The following ELMO1 variants were observed in gnomAD, a reference collection of about 807,000 sequenced individuals.
The protein encoded by ELMO1 is engulfment and cell motility 1.
In ELMO1, 26 loss-of-function variants were observed where a neutral mutation model predicts 98.9. The observed-to-expected ratio is 0.26, with a 90% CI of 0.19 to 0.36. The LOEUF (loss-of-function observed/expected upper bound fraction) is 0.36. Ranked by LOEUF, ELMO1 falls within the 10% of genes least tolerant of loss-of-function variation. ELMO1 has a pLI of 1.00. For missense variants in ELMO1, 627 were observed against 935.2 expected (o/e 0.67, Z 4.30); for synonymous variants, 346 against 346.0 (o/e 1.00, Z 0.00).
At chr7:36,965,827 C>A (rs1196732330) in intron 16 of ELMO1, among the ~76,000 whole-genome samples, 1 of 152,160 alleles carries the variant, frequency 6.6e-6, no homozygotes, top group African/African-American at 2.4e-5. Flanking sequence ...AGCATCACAT[C>A]CGCCTGTATG....
At chr7:36,967,022 C>T (rs1789495153) in intron 16 of ELMO1, among the ~76,000 whole-genome samples, 1 of 152,244 alleles carries the variant, frequency 6.6e-6, no homozygotes, top group African/African-American at 2.4e-5. Context: ...AATTTATACA[C>T]TGACATAGCT....
At position 36,855,486 on chromosome 7, in the gene ELMO1, T is replaced by C; in HGVS notation, c.*65A>G. The C allele has an allele frequency of 2.5e-6, 4 of 1,601,622 alleles. No individual in the cohort carries two copies. In the South Asian group the frequency reaches 4.4e-5, roughly 18 times the overall value. On this transcript the variant is annotated 3_prime_UTR_variant, in exon 22 of 22. Coordinates refer to ENST00000310758, the MANE Select transcript of ELMO1 (RefSeq NM_014800.11). The surrounding 1 kb of genome is among the most constrained non-coding windows in gnomAD (Gnocchi z 4.2). The stretch of plus-strand genomic sequence containing the variant: ...ACGGTTCCAAGGCGTGGGTGTGTTT[T>C]CATTCCTCTCTCCTGTTAGCTAGGT...
At chr7:36,876,620 A>T (rs1243082309) in intron 19 of ELMO1, among the ~76,000 whole-genome samples, 2 of 152,120 alleles carry the variant, frequency 1.3e-5, no homozygotes, top group African/African-American at 4.8e-5. Flanking sequence ...GAGAATGTGC[A>T]TTGCTAAGAA....
chr7:37,391,050 T>C (rs113266997), intron 1 of ELMO1, among the ~76,000 whole-genome samples: 1 of 134,640 alleles, frequency 7.4e-6, no homozygotes. Flanking sequence ...CTTCCTTCCT[T>C]CCTTCCTTCC....
intron 1 of ELMO1, among the ~76,000 whole-genome samples, chr7:37,406,491 G>A (rs1239658727): frequency 6.6e-6 from 1 of 151,862 alleles, no homozygotes; most frequent in Non-Finnish European, 1.5e-5. Context: ...GTGCAGTGGC[G>A]CGATCTCGGC....
At chr7:37,033,350 C>T (rs752507401) in intron 15 of ELMO1, 7 of 454,806 alleles carry the variant, frequency 1.5e-5, no homozygotes, top group South Asian at 3.1e-5. Flanking sequence ...TACTTACCTC[C>T]GAGACACACT....
At chr7:37,101,573 A>G (rs974382999) in intron 14 of ELMO1, among the ~76,000 whole-genome samples, 1 of 152,216 alleles carries the variant, frequency 6.6e-6, no homozygotes, top group African/African-American at 2.4e-5. Context: ...GTTACAAAAA[A>G]TAAACAGTTC....
At chr7:36,976,134 C>G (rs1790526535) in intron 16 of ELMO1, among the ~76,000 whole-genome samples, 1 of 152,158 alleles carries the variant, frequency 6.6e-6, no homozygotes, top group African/African-American at 2.4e-5. Flanking sequence ...GAAAAATGGG[C>G]ACAGATGTGT....
At position 37,222,815 on chromosome 7, in the gene ELMO1, G is replaced by C. The variant is rs1052531612; in HGVS notation, c.702-122C>G. Reference sequence around the variant, plus strand: ...CCCCCAAAAAAAGTGAGAGAGAAAGGCAGGGCCTAGAAAATGCATTTTGCA... The same window carrying C: ...CCCCCAAAAAAAGTGAGAGAGAAAGCCAGGGCCTAGAAAATGCATTTTGCA... On this transcript the variant is annotated intron_variant, in intron 9 of 21. Transcript: ENST00000310758. 1.8e-5 allele frequency: 14 copies of C among 782,524 alleles called. No individual in the cohort carries two copies. In the African/African-American group the frequency reaches 2.3e-4, roughly 13 times the overall value. The allele number at this position is 782,524 out of a possible 1,614,324, so 48.5% of individuals were successfully genotyped here. A position where few individuals can be genotyped will look rare whatever the true frequency, so the allele number is the denominator to read the frequency against.
At chr7:37,218,526 G>A (rs1433549569) in intron 10 of ELMO1, among the ~76,000 whole-genome samples, 3 of 152,066 alleles carry the variant, frequency 2.0e-5, no homozygotes, top group Non-Finnish European at 4.4e-5. Flanking sequence ...CCATTTTTTG[G>A]TCTAATAGTA....
intron 15 of ELMO1, among the ~76,000 whole-genome samples, chr7:37,087,954 G>C (rs1313893760): frequency 6.6e-6 from 1 of 152,178 alleles, no homozygotes; most frequent in African/African-American, 2.4e-5. Flanking sequence ...CGAGGAATCA[G>C]AACAGTCACC....
chr7:37,183,286 T>TAG (rs1185127932), intron 13 of ELMO1, among the ~76,000 whole-genome samples: 1 of 152,118 alleles, frequency 6.6e-6, no homozygotes, highest in Non-Finnish European at 1.5e-5. Context: ...CAAACAAAAA[T>TAG]AAACCCCGGC....
chr7:37,417,950 G>A (rs1347012943), intron 1 of ELMO1, among the ~76,000 whole-genome samples: 2 of 152,154 alleles, frequency 1.3e-5, no homozygotes, highest in South Asian at 4.1e-4. Context: ...GACCACCTGG[G>A]GCCACCAGAA....
chr7:37,227,105 T>C (rs1040285434), intron 8 of ELMO1, among the ~76,000 whole-genome samples: 3 of 152,348 alleles, frequency 2.0e-5, no homozygotes, highest in East Asian at 3.9e-4. Flanking sequence ...TAAGAATCCA[T>C]AATCACTGGT....
intron 15 of ELMO1, among the ~76,000 whole-genome samples, chr7:37,069,202 C>T (rs1797141731): frequency 1.3e-5 from 2 of 152,000 alleles, no homozygotes; most frequent in Admixed American, 1.3e-4. Context: ...CCAGTAAGCC[C>T]CTCCCCACTT....
intron 13 of ELMO1, among the ~76,000 whole-genome samples, chr7:37,194,177 T>C (rs1404398829): frequency 6.6e-6 from 1 of 152,254 alleles, no homozygotes; most frequent in Non-Finnish European, 1.5e-5. Flanking sequence ...GCCAGGTTAC[T>C]GTAAATCTCA....
chr7:37,391,461 T>A (rs1052817231), intron 1 of ELMO1, among the ~76,000 whole-genome samples: 1 of 152,238 alleles, frequency 6.6e-6, no homozygotes, highest in Non-Finnish European at 1.5e-5. Flanking sequence ...GGCCTTATAA[T>A]ATTATGACAA....
At chr7:37,306,740 C>CA (rs1437569111) in intron 4 of ELMO1, among the ~76,000 whole-genome samples, 1 of 151,816 alleles carries the variant, frequency 6.6e-6, no homozygotes. Flanking sequence ...GCTTTGCTAT[C>CA]AAAAAAATAA....
chr7:36,952,189 G>C (rs1158474227), intron 16 of ELMO1, among the ~76,000 whole-genome samples: 1 of 152,200 alleles, frequency 6.6e-6, no homozygotes, highest in Non-Finnish European at 1.5e-5. Context: ...GCTCAGTGTG[G>C]AACATGCATC....
Sources: allele counts gnomAD v4.1 joint callset (sites outside exome capture counted in the v4.1 genomes callset), GRCh38; gene constraint gnomAD v4.1.1; non-coding constraint Gnocchi (gnomAD v3.1); transcripts MANE v1.5; gene names NCBI Gene and HGNC (gene_info 2026-07-23, HGNC 2026-07-21).